Variants in EEFSEC observed in about 807,000 individuals in gnomAD.
EEFSEC encodes eukaryotic elongation factor, selenocysteine-tRNA specific.
EEFSEC carries 43 observed loss-of-function variants against 42.1 expected under a neutral mutation model. The ratio of observed to expected loss-of-function variants is 1.02; its 90% confidence interval spans 0.80 to 1.32. The LOEUF (loss-of-function observed/expected upper bound fraction) is 1.32. Among genes scored for constraint, EEFSEC ranks in the 40% most tolerant of loss-of-function variants. The probability of loss-of-function intolerance (pLI) is 0.00; values close to 1 mark genes in which losing one functional copy is unlikely to be tolerated. For missense variants in EEFSEC, 745 were observed against 803.6 expected (o/e 0.93, Z 0.88); for synonymous variants, 354 against 339.1 (o/e 1.04, Z -0.48).
intron 5 of EEFSEC, among the ~76,000 whole-genome samples, chr3:128,349,338 A>G (rs537156934): frequency 1.3e-5 from 2 of 152,292 alleles, no homozygotes; most frequent in African/African-American, 4.8e-5. Context: ...GGGGAGGCTC[A>G]GCCTCTCTCA....
At chr3:128,232,269 G>A (rs1287347274) in intron 1 of EEFSEC, among the ~76,000 whole-genome samples, 1 of 151,994 alleles carries the variant, frequency 6.6e-6, no homozygotes, top group Non-Finnish European at 1.5e-5. Context: ...CAGGAGATAC[G>A]AACCTCAAAG....
intron 4 of EEFSEC, among the ~76,000 whole-genome samples, chr3:128,298,496 T>C (rs975470075): frequency 2.1e-4 from 32 of 152,360 alleles, no homozygotes; most frequent in Non-Finnish European, 1.9e-4. Flanking sequence ...GGGGCACATA[T>C]GATATTTTGA....
downstream of EEFSEC, among the ~76,000 whole-genome samples, chr3:128,412,365 G>T (rs1478457326): frequency 6.6e-6 from 1 of 152,246 alleles, no homozygotes; most frequent in African/African-American, 2.4e-5. Flanking sequence ...TCCATGTGGG[G>T]GTTAGCATCT....
At position 128,312,825 on chromosome 3, in the gene EEFSEC, ATC is replaced by A. The variant is rs1477086998; in HGVS notation, c.787-28406_787-28405del. ...TTCTTTTCCTTAACCATTTAGCTGT[ATC>A]TTTTAGTAAAAGAATACCCAGAAGA... On this transcript the variant is annotated intron_variant, in intron 4 of 6. Coordinates refer to ENST00000254730, the MANE Select transcript of EEFSEC (RefSeq NM_021937.5). Among the ~76,000 whole-genome samples the A allele has an allele frequency of 3.9e-5, 6 of 152,336 alleles. No individual in the cohort carries two copies. The East Asian group carries it at 1.2e-3, about 29-fold the overall frequency.
intron 6 of EEFSEC, among the ~76,000 whole-genome samples, chr3:128,387,929 G>A (rs192057058): frequency 4.5e-4 from 69 of 152,334 alleles, no homozygotes; most frequent in African/African-American, 1.5e-3. Context: ...AGATGGGCAC[G>A]GGCAGGCACT....
At chr3:128,247,504 T>C (rs1311425582) in intron 2 of EEFSEC, among the ~76,000 whole-genome samples, 2 of 152,206 alleles carry the variant, frequency 1.3e-5, no homozygotes, top group Non-Finnish European at 2.9e-5. Flanking sequence ...AAGGGGAAGA[T>C]CAATTTTGGT....
In EEFSEC at chr3:128,323,422, C is replaced by T. The variant is rs114623994; in HGVS notation, c.787-17811C>T. ...TGTGGTGGAGCCCATGCCATTCTGT[C>T]GGCTCTGGCCCGGAACTGACCTTTG... On this transcript the variant is annotated intron_variant, in intron 4 of 6. Coordinates refer to ENST00000254730, the MANE Select transcript of EEFSEC (RefSeq NM_021937.5). 7.0e-3 allele frequency among the ~76,000 whole-genome samples: 1,071 copies of T among 152,294 alleles called. 20 individuals are homozygous for T. The highest frequency in any genetic ancestry group is 0.024 in the African/African-American group (1,016 of 41,550).
chr3:128,296,565 C>T (rs1162623102), intron 4 of EEFSEC, among the ~76,000 whole-genome samples: 2 of 152,206 alleles, frequency 1.3e-5, no homozygotes, highest in Admixed American at 6.5e-5. Context: ...CACAGACCTG[C>T]AGGGCCTGTG....
chr3:128,170,924 C>T (rs1655336889), intron 1 of EEFSEC, among the ~76,000 whole-genome samples: 1 of 152,196 alleles, frequency 6.6e-6, no homozygotes, highest in Non-Finnish European at 1.5e-5. Flanking sequence ...GAATCTTTCC[C>T]TCTTCCTCTT....
At chr3:128,413,970 G>A in the EEFSEC span, among the ~76,000 whole-genome samples, 6 of 151,052 alleles carry the variant, frequency 4.0e-5, no homozygotes, top group South Asian at 4.1e-4. Context: ...GCAAAGGGCC[G>A]CCGAGGGGCC....
intron 6 of EEFSEC, among the ~76,000 whole-genome samples, chr3:128,389,655 G>A (rs538850115): frequency 2.2e-4 from 33 of 152,380 alleles, no homozygotes; most frequent in African/African-American, 7.9e-4. Flanking sequence ...AGATCGGGAG[G>A]GTTTTTGGTT....
chr3:128,280,838 T>C (rs2107965655), intron 4 of EEFSEC, among the ~76,000 whole-genome samples: 1 of 152,240 alleles, frequency 6.6e-6, no homozygotes, highest in African/African-American at 2.4e-5. Flanking sequence ...TTCTCTGAAG[T>C]TTTCAGCCCT....
chr3:128,275,924 G>A (rs1270254580), intron 4 of EEFSEC, among the ~76,000 whole-genome samples: 2 of 152,198 alleles, frequency 1.3e-5, no homozygotes, highest in Admixed American at 6.5e-5. Flanking sequence ...GCCTTGTGAT[G>A]GGGAAGCACA....
intron 4 of EEFSEC, among the ~76,000 whole-genome samples, chr3:128,313,864 C>A (rs910402208): frequency 6.6e-6 from 1 of 152,218 alleles, no homozygotes; most frequent in African/African-American, 2.4e-5. Flanking sequence ...TCCCTGACAA[C>A]CCCCTGTCTT....
At chr3:128,227,021 A>G (rs949456631) in intron 1 of EEFSEC, among the ~76,000 whole-genome samples, 2 of 152,124 alleles carry the variant, frequency 1.3e-5, no homozygotes, top group Non-Finnish European at 1.5e-5. Flanking sequence ...CTCTCGGGCC[A>G]TTGCATCCTG....
chr3:128,371,389 T>C lies in EEFSEC; in HGVS notation c.1600+13016T>C, dbSNP rs868599405. The stretch of plus-strand genomic sequence containing the variant: ...TGGGGCTGCCTTGTGCCCTGCAGGG[T>C]GTTTGTGGGTATCCCTGGCTTCTTC... On this transcript the variant is annotated intron_variant, in intron 6 of 6. Transcript: ENST00000254730. 4.6e-5 allele frequency among the ~76,000 whole-genome samples: 7 copies of C among 152,102 alleles called. No homozygotes were observed. The South Asian group carries it at 1.0e-3, about 23-fold the overall frequency.
At chr3:128,367,849 G>T in intron 6 of EEFSEC, 1 of 985,374 alleles carries the variant, frequency 1.0e-6, no homozygotes, top group South Asian at 4.7e-5. Context: ...ATGCCAAGCA[G>T]TTCTGCACTG....
At chr3:128,262,344 G>T (rs888569393) in intron 3 of EEFSEC, 120 bp downstream of exon 3, 47 of 858,240 alleles carry the variant, frequency 5.5e-5, no homozygotes, top group Non-Finnish European at 7.7e-5. Flanking sequence ...GACTCAGTTG[G>T]TTCCATTAAC....
intron 6 of EEFSEC, among the ~76,000 whole-genome samples, chr3:128,374,782 G>A (rs2107608294): frequency 6.6e-6 from 1 of 152,268 alleles, no homozygotes. Flanking sequence ...CAAACCTGAA[G>A]GAATTATAAT....
Sources: allele counts gnomAD v4.1 joint callset (sites outside exome capture counted in the v4.1 genomes callset), GRCh38; gene constraint gnomAD v4.1.1; transcripts MANE v1.5; gene names NCBI Gene and HGNC (gene_info 2026-07-23, HGNC 2026-07-21).